HSP90AA1: variants seen among roughly 807,000 people sequenced by gnomAD.
HSP90AA1 encodes heat shock protein 90 alpha family class A member 1.
In HSP90AA1, 18 loss-of-function variants were observed where a neutral mutation model predicts 73.3. The observed-to-expected ratio is 0.25, with a 90% CI of 0.17 to 0.36. HSP90AA1 has a LOEUF of 0.36. Ranked by LOEUF, HSP90AA1 falls within the 10% of genes least tolerant of loss-of-function variation. HSP90AA1 has a pLI of 1.00. For synonymous variants in HSP90AA1, 477 were observed against 296.9 expected, an observed-to-expected ratio of 1.61 and a Z score of -6.24; for missense variants, 704 against 874.2, an observed-to-expected ratio of 0.81 and a Z score of 2.45.
Position 102,086,262 on chromosome 14 carries a change from C to G in HSP90AA1, c.117G>C (p.Ser39=), listed in dbSNP as rs746809598. 6.2e-6 allele frequency: 10 copies of G among 1,614,094 alleles called. No homozygotes were observed. The South Asian group carries it at 9.9e-5, about 16-fold the overall frequency. ...GCTCTCTCAGAAAGATCTCTTTGTTCGAGTAGAAAGTATTGATGATCAATG... is the reference window on the plus strand; with the variant it reads ...GCTCTCTCAGAAAGATCTCTTTGTTGGAGTAGAAAGTATTGATGATCAATG... The part of the protein sequence containing the change: ...LMSLIINTFY[S]NKEIFLRELI... The change falls in exon 2 of 11, where the codon TCG becomes TCC. Residue 39 remains serine, a synonymous_variant. Coordinates refer to ENST00000216281, the MANE Select transcript of HSP90AA1 (RefSeq NM_005348.4).
At chr14:102,108,380 T>C (rs1014635353) in intron 1 of HSP90AA1, among the ~76,000 whole-genome samples, 23 of 151,644 alleles carry the variant, frequency 1.5e-4, no homozygotes, top group African/African-American at 5.3e-4. Flanking sequence ...TGTGCCATGG[T>C]GCCTAGCTTT....
intron 6 of HSP90AA1, 118 bp from the exon 7 acceptor site, chr14:102,084,101 ACTCTGTTGCCCAGG>A: frequency 1.2e-6 from 1 of 866,422 alleles, no homozygotes; most frequent in Non-Finnish European, 1.9e-6. Flanking sequence ...AGACAGTCTC[ACTCTGTTGCCCAGG>A]CTGGAGGGCA....
chr14:102,088,718 T>G (rs2152615272), upstream of HSP90AA1, among the ~76,000 whole-genome samples: 1 of 152,142 alleles, frequency 6.6e-6, no homozygotes, highest in East Asian at 1.9e-4. Context: ...AGCGGGTCGC[T>G]GAAGGGGCGC....
At chr14:102,086,883 G>C in intron 1 of HSP90AA1, 103 bp downstream of exon 1, 1 of 658,974 alleles carries the variant, frequency 1.5e-6, no homozygotes, top group Non-Finnish European at 1.9e-6. Flanking sequence ...GGCCCTGGCT[G>C]CTTCAGGGAT....
intron 1 of HSP90AA1, among the ~76,000 whole-genome samples, chr14:102,114,825 C>A (rs779943444): frequency 6.6e-6 from 1 of 151,878 alleles, no homozygotes; most frequent in South Asian, 2.1e-4. Context: ...CATGTTGGAA[C>A]CTCATCTCTA....
intron 1 of HSP90AA1, among the ~76,000 whole-genome samples, chr14:102,105,332 T>C (rs1261252508): frequency 6.6e-6 from 1 of 151,978 alleles, no homozygotes; most frequent in Non-Finnish European, 1.5e-5. Flanking sequence ...GGGAGCTCAC[T>C]GTTGGAAAGA....
At chr14:102,086,482 T>A (rs1378734031) in intron 1 of HSP90AA1, 104 bp from the exon 2 acceptor site, 7 of 1,368,880 alleles carry the variant, frequency 5.1e-6, no homozygotes, top group African/African-American at 1.4e-5. Context: ...ATTGGAGATT[T>A]GCGAAGTTTA....
chr14:102,110,580 C>T (rs932859852), intron 1 of HSP90AA1, among the ~76,000 whole-genome samples: 8 of 150,078 alleles, frequency 5.3e-5, no homozygotes, highest in Non-Finnish European at 8.9e-5. Flanking sequence ...CCACCATGCC[C>T]GGATAATTTT....
At chr14:102,116,609 G>T (rs965195173) in intron 1 of HSP90AA1, among the ~76,000 whole-genome samples, 9 of 152,172 alleles carry the variant, frequency 5.9e-5, no homozygotes, top group African/African-American at 2.2e-4. Flanking sequence ...CCCTGGCCCC[G>T]TGTCACCACT....
chr14:102,102,945 G>A (rs1414959996), intron 1 of HSP90AA1, among the ~76,000 whole-genome samples: 2 of 152,024 alleles, frequency 1.3e-5, no homozygotes, highest in African/African-American at 2.4e-5. Context: ...TTGGGAGGCC[G>A]AGGTGGGCAG....
chr14:102,139,652 CT>C, exon 1 of HSP90AA1: 1 of 647,482 alleles, frequency 1.5e-6, no homozygotes, highest in Middle Eastern at 4.2e-4. Context: ...CCGGCATCAC[CT>C]GGGAAGCAGC....
At chr14:102,090,759 G>GT (rs2049346980), upstream of HSP90AA1, among the ~76,000 whole-genome samples, 1 of 152,140 alleles carries the variant, frequency 6.6e-6, no homozygotes, top group Admixed American at 6.6e-5. Flanking sequence ...CCTCAACAAC[G>GT]TATTTCTAAT....
intron 8 of HSP90AA1, 103 bp downstream of exon 8, chr14:102,083,443 A>G: frequency 7.1e-7 from 1 of 1,416,592 alleles, no homozygotes; most frequent in Admixed American, 1.7e-5. Context: ...TCTTGCCTAG[A>G]TCAATACCAG....
rs747448219 is a variant in HSP90AA1 at position 102,139,244 on chromosome 14, T to C, written c.155+6A>G. 9.9e-6 allele frequency: 16 copies of C among 1,613,902 alleles called. No individual in the cohort carries two copies. The Admixed American group carries it at 2.3e-4, about 24-fold the overall frequency. On this transcript the variant is annotated splice_donor_region_variant and intron_variant, in intron 1 of 11. Transcript: ENST00000334701. ...AGTGAAGCGTAAATCTTGAGTCCCT[T>C]GGTACCTTCTCAGAAACGGCGGCGA... is the stretch of plus-strand genomic sequence containing the variant.
At position 102,083,883 on chromosome 14, in the gene HSP90AA1, C is replaced by G; in HGVS notation, c.1248G>C (p.Leu416Phe). 1 of 1,613,568 alleles carries G rather than the reference C, an allele frequency of 6.2e-7. No homozygotes were observed. ...SKILKVIRKN[L>F]VKKCLELFTE... is the part of the protein sequence containing the mutation. ...TAAAGAGTTCTAAGCATTTTTTGAC[C>G]AAATTCTTCCTGATAACTTTCAAAA... The change falls in exon 7 of 11, where the codon TTG becomes TTC. Residue 416 changes from leucine to phenylalanine, a missense_variant. Physicochemically the swap from Leu to Phe is conservative, Grantham distance 22. Coordinates refer to ENST00000216281, the MANE Select transcript of HSP90AA1 (RefSeq NM_005348.4).
chr14:102,089,568 G>A (rs2049325043), upstream of HSP90AA1, among the ~76,000 whole-genome samples: 1 of 152,116 alleles, frequency 6.6e-6, no homozygotes, highest in African/African-American at 2.4e-5. Context: ...CGGAGCTCTT[G>A]GAGGTGGGTC....
intron 1 of HSP90AA1, among the ~76,000 whole-genome samples, chr14:102,111,326 T>A (rs930052839): frequency 5.3e-5 from 8 of 152,226 alleles, no homozygotes; most frequent in Admixed American, 5.2e-4. Context: ...GTGCCCTGAG[T>A]CCCAGCCACT....
chr14:102,097,527 G>A (rs2049440851), intron 2 of HSP90AA1, among the ~76,000 whole-genome samples: 1 of 152,186 alleles, frequency 6.6e-6, no homozygotes, highest in Non-Finnish European at 1.5e-5. Context: ...CTTGGCCAAT[G>A]CAAGAGCAGA....
intron 9 of HSP90AA1, 55 bp from the exon 10 acceptor site, chr14:102,082,499 A>G: frequency 7.1e-7 from 1 of 1,411,174 alleles, no homozygotes; most frequent in Admixed American, 1.8e-5. Context: ...CTAAACTTTC[A>G]TTGTGAAATG....
Sources: allele counts gnomAD v4.1 joint callset (sites outside exome capture counted in the v4.1 genomes callset), GRCh38; gene constraint gnomAD v4.1.1; transcripts MANE v1.5; gene names NCBI Gene and HGNC (gene_info 2026-07-23, HGNC 2026-07-21).